PAPPA2: variants seen among roughly 807,000 people sequenced by gnomAD.
The protein encoded by PAPPA2 is pappalysin-2.
In PAPPA2, 86 loss-of-function variants were observed where a neutral mutation model predicts 176.4. The ratio of observed to expected loss-of-function variants is 0.49; its 90% CI spans 0.41 to 0.58. The LOEUF is 0.58. Among genes scored for constraint, PAPPA2 ranks in the 20% least tolerant of loss-of-function variants. PAPPA2 has a pLI of 0.00. For synonymous variants in PAPPA2, 809 were observed against 852.2 expected, an observed-to-expected ratio of 0.95 and a Z score of 0.88; for missense variants, 2,073 against 2,256.9, an observed-to-expected ratio of 0.92 and a Z score of 1.65.
rs1242009036 is a variant in PAPPA2, at chr1:176,765,760, C to G, written c.4246C>G (p.Leu1416Val). The change falls in exon 15 of 23, where the codon CTC becomes GTC. Residue 1416 changes from leucine to valine, a missense_variant. Leu to Val is a conservative substitution (Grantham distance 32). This residue lies in a region of PAPPA2 where 846 missense variants were observed against 857.9 expected (regional missense o/e 0.99). Transcript: ENST00000367662. Reference sequence around the variant, plus strand: ...GAACTGTACCTCTATAGGCCCAGGTCTCATGAAGTGTGCTATCACTTGTCA... The same window carrying G: ...GAACTGTACCTCTATAGGCCCAGGTGTCATGAAGTGTGCTATCACTTGTCA... ...VVNCTSIGPG[L>V]MKCAITCQRG... 3 of 1,614,072 alleles carry G rather than the reference C, an allele frequency of 1.9e-6. No individual in the cohort carries two copies. Among genetic ancestry groups the G allele is most frequent in the East Asian group, 2.2e-5 (1 of 44,836 alleles).
At chr1:176,623,819 TTC>T (rs57703320) in intron 3 of PAPPA2, among the ~76,000 whole-genome samples, 21,314 of 114,854 alleles carry the variant, frequency 0.19, 3,756 homozygotes, top group Middle Eastern at 0.33. Flanking sequence ...TCTTTCTTTC[TTC>T]TCTCTCTCTC....
chr1:176,542,881 A>C (rs1193181111), intron 1 of PAPPA2, among the ~76,000 whole-genome samples: 3 of 152,184 alleles, frequency 2.0e-5, no homozygotes, highest in Non-Finnish European at 4.4e-5. Context: ...CAGTAAAACA[A>C]ATTGTTTAAT....
intron 4 of PAPPA2, 94 bp from the exon 5 acceptor site, chr1:176,690,043 A>G: frequency 8.4e-7 from 1 of 1,187,200 alleles, no homozygotes; most frequent in Non-Finnish European, 1.2e-6. Flanking sequence ...TAGAGGCTGA[A>G]ATGGAATATT....
At chr1:176,803,105 TA>T (rs1379849225) in intron 21 of PAPPA2, among the ~76,000 whole-genome samples, 1 of 152,184 alleles carries the variant, frequency 6.6e-6, no homozygotes, top group Non-Finnish European at 1.5e-5. Flanking sequence ...GTTTCTTTCG[TA>T]AACTGCATAT....
intron 17 of PAPPA2, among the ~76,000 whole-genome samples, chr1:176,773,988 C>T (rs554707303): frequency 2.2e-4 from 33 of 152,216 alleles, no homozygotes; most frequent in African/African-American, 7.7e-4. Flanking sequence ...AAGACAGACA[C>T]ATAAATAAGA....
At chr1:176,548,114 A>C (rs1282832802) in intron 1 of PAPPA2, among the ~76,000 whole-genome samples, 1 of 152,228 alleles carries the variant, frequency 6.6e-6, no homozygotes, top group East Asian at 1.9e-4. Context: ...ATTTTAATAG[A>C]TAATTGTTAA....
chr1:176,472,265 T>A (rs1651912410), intron 1 of PAPPA2, among the ~76,000 whole-genome samples: 1 of 152,200 alleles, frequency 6.6e-6, no homozygotes, highest in South Asian at 2.1e-4. Flanking sequence ...TTAATTTTTA[T>A]CTAATTATTA....
intron 9 of PAPPA2, among the ~76,000 whole-genome samples, chr1:176,704,971 C>A (rs1660816424): frequency 6.6e-6 from 1 of 152,022 alleles, no homozygotes; most frequent in South Asian, 2.1e-4. Flanking sequence ...TGTTGGGCCG[C>A]ATGGCACAAG....
intron 1 of PAPPA2, among the ~76,000 whole-genome samples, chr1:176,516,704 C>T (rs1648934470): frequency 6.6e-6 from 1 of 152,198 alleles, no homozygotes; most frequent in Non-Finnish European, 1.5e-5. Flanking sequence ...CAAGCCCTTA[C>T]CATACACCAA....
At chr1:176,830,541 A>C (rs558124467) in intron 21 of PAPPA2, among the ~76,000 whole-genome samples, 2 of 152,326 alleles carry the variant, frequency 1.3e-5, no homozygotes, top group African/African-American at 4.8e-5. Context: ...CTTAATACAC[A>C]GTTGGTTGGC....
rs1348651146 is a variant in PAPPA2 at position 176,796,624 on chromosome 1, CTTTCTT to C, written c.5130+2963_5130+2968del. Among the ~76,000 whole-genome samples, 14 of 149,694 alleles carry C rather than the reference CTTTCTT, an allele frequency of 9.4e-5. No homozygotes were observed. The East Asian group carries it at 1.2e-3, about 13-fold the overall frequency. ...TCTTTTCTTTTCTTTTCTTTTCTTT[CTTTCTT>C]TTTCTTTCTTTTCTTTTCTTTCTTT... On this transcript the variant is annotated intron_variant, in intron 20 of 22. Transcript: ENST00000367662.
intron 21 of PAPPA2, among the ~76,000 whole-genome samples, chr1:176,837,707 C>T (rs997721324): frequency 6.6e-6 from 1 of 151,982 alleles, no homozygotes; most frequent in African/African-American, 2.4e-5. Flanking sequence ...AAGCCCAGTA[C>T]CTTTTCTTGG....
At chr1:176,722,876 A>G (rs545900157) in intron 12 of PAPPA2, among the ~76,000 whole-genome samples, 6 of 152,310 alleles carry the variant, frequency 3.9e-5, no homozygotes, top group African/African-American at 1.4e-4. Flanking sequence ...AATTACTTTA[A>G]TATATGTCAG....
In PAPPA2 at chr1:176,827,137, C is replaced by A. The variant is rs140993295; in HGVS notation, c.5203-13036C>A. ...TTTTTCTATTCCATATTATGGACAG[C>A]CAGTTCTGTTCTTCTTCGTTCATAT... On this transcript the variant is annotated intron_variant, in intron 21 of 22. Coordinates refer to ENST00000367662, the MANE Select transcript of PAPPA2 (RefSeq NM_020318.3). Among the ~76,000 whole-genome samples, 954 of 152,300 alleles carry A rather than the reference C, an allele frequency of 6.3e-3. 13 individuals carry two copies. Among genetic ancestry groups the A allele is most frequent in the African/African-American group, 0.021 (884 of 41,552 alleles).
At chr1:176,617,664 A>C (rs953450916) in intron 3 of PAPPA2, among the ~76,000 whole-genome samples, 15 of 152,042 alleles carry the variant, frequency 9.9e-5, no homozygotes, top group African/African-American at 3.4e-4. Context: ...ATATATATAT[A>C]TCACATTTTC....
At chr1:176,737,712 AG>A (rs1662479211) in intron 12 of PAPPA2, among the ~76,000 whole-genome samples, 1 of 152,138 alleles carries the variant, frequency 6.6e-6, no homozygotes, top group South Asian at 2.1e-4. Context: ...CACCAGGAAC[AG>A]GCAAAGTGAT....
At chr1:176,692,950 G>A (rs1485971567) in intron 6 of PAPPA2, among the ~76,000 whole-genome samples, 1 of 152,210 alleles carries the variant, frequency 6.6e-6, no homozygotes, top group Admixed American at 6.5e-5. Flanking sequence ...TGCCACAACA[G>A]ACACCTAATG....
At chr1:176,495,699 G>A (rs1647569984) in intron 1 of PAPPA2, among the ~76,000 whole-genome samples, 1 of 151,972 alleles carries the variant, frequency 6.6e-6, no homozygotes, top group South Asian at 2.1e-4. Context: ...TTACCAATTA[G>A]TTATTAGTCA....
chr1:176,463,202 A>G lies in PAPPA2; in HGVS notation c.-1133A>G, dbSNP rs1651457742. 6.6e-6 allele frequency: 1 copy of G among 151,216 alleles called. No individual in the cohort carries two copies. The highest frequency in any genetic ancestry group is 2.4e-5 in the African/African-American group (1 of 41,138). 9.4% of individuals were successfully genotyped at this position (151,216 alleles called of 1,614,324 possible). ...GACTCTCTCTCTTGAGTAGGCACAC[A>G]CTCCCTTTTCTCGGGTGTGTACTTT... On this transcript the variant is annotated 5_prime_UTR_variant, in exon 1 of 23. Coordinates refer to ENST00000367662, the MANE Select transcript of PAPPA2 (RefSeq NM_020318.3).
Sources: allele counts gnomAD v4.1 joint callset (sites outside exome capture counted in the v4.1 genomes callset), GRCh38; gene constraint gnomAD v4.1.1; regional missense constraint gnomAD v4.1.1; transcripts MANE v1.5; gene names NCBI Gene and HGNC (gene_info 2026-07-23, HGNC 2026-07-21).